Variants in RUNX1 observed in about 807,000 individuals in gnomAD.
RUNX1 encodes the protein runt-related transcription factor 1.
RUNX1 carries 19 observed loss-of-function variants against 42.8 expected under a neutral mutation model. The observed-to-expected ratio is 0.44, with a 90% confidence interval of 0.31 to 0.65. The LOEUF is 0.65. Among genes scored for constraint, RUNX1 ranks in the 30% least tolerant of loss-of-function variants. The pLI is 0.07. For missense variants in RUNX1, 528 were observed against 672.0 expected (o/e 0.79, Z 2.37); for synonymous variants, 271 against 289.4 (o/e 0.94, Z 0.64).
intron 3 of RUNX1, among the ~76,000 whole-genome samples, chr21:34,889,236 C>A (rs990385077): frequency 6.6e-6 from 1 of 152,030 alleles, no homozygotes; most frequent in Non-Finnish European, 1.5e-5. Context: ...TGCGATTTGG[C>A]CGCGGGGCCC....
At chr21:34,853,046 G>C (rs2057445728) in intron 6 of RUNX1, among the ~76,000 whole-genome samples, 1 of 152,218 alleles carries the variant, frequency 6.6e-6, no homozygotes, top group Admixed American at 6.5e-5. Context: ...GGGGGACCCA[G>C]ACTTGGACCA....
intron 2 of RUNX1, among the ~76,000 whole-genome samples, chr21:34,976,033 A>G (rs897450038): frequency 6.6e-6 from 1 of 152,134 alleles, no homozygotes; most frequent in African/African-American, 2.4e-5. Flanking sequence ...ATCAGGACAA[A>G]ATGTAGGTGA....
chr21:35,003,674 G>A (rs2059063104), intron 2 of RUNX1, among the ~76,000 whole-genome samples: 1 of 152,150 alleles, frequency 6.6e-6, no homozygotes, highest in Non-Finnish European at 1.5e-5. Flanking sequence ...TCAACACTTT[G>A]TAATGGCACC....
intron 7 of RUNX1, chr21:34,830,113 T>C (rs1439723674): frequency 6.6e-6 from 1 of 152,216 alleles, no homozygotes; most frequent in East Asian, 1.9e-4. Flanking sequence ...AAGAGATGAT[T>C]TGAGAGGTCA....
chr21:34,932,654 T>A (rs1244613022), intron 2 of RUNX1, among the ~76,000 whole-genome samples: 1 of 152,230 alleles, frequency 6.6e-6, no homozygotes, highest in Admixed American at 6.5e-5. Context: ...ATACCCCTTC[T>A]ACTGAGGTTA....
chr21:35,006,516 C>T (rs765753121), intron 2 of RUNX1, among the ~76,000 whole-genome samples: 33 of 152,148 alleles, frequency 2.2e-4, no homozygotes, highest in Non-Finnish European at 4.4e-4. Context: ...CTCAGGCAGA[C>T]ATGGATAGGA....
chr21:34,834,662 A>G, intron 6 of RUNX1, 61 bp from the exon 7 acceptor site: 1 of 1,425,482 alleles, frequency 7.0e-7, no homozygotes, highest in South Asian at 1.2e-5. Flanking sequence ...GGAAGAGATC[A>G]GAAAAAGTAT....
At chr21:34,864,914 A>G (rs2057635239) in intron 5 of RUNX1, among the ~76,000 whole-genome samples, 1 of 152,188 alleles carries the variant, frequency 6.6e-6, no homozygotes, top group South Asian at 2.1e-4. Context: ...ATGAAGGTGG[A>G]AACACAGTGG....
intron 2 of RUNX1, among the ~76,000 whole-genome samples, chr21:34,969,024 GCTTTTCC>G (rs1346179861): frequency 6.6e-6 from 1 of 152,104 alleles, no homozygotes; most frequent in Admixed American, 6.5e-5. Flanking sequence ...TATAAGTCAG[GCTTTTCC>G]TATTACAGGT....
intron 7 of RUNX1, among the ~76,000 whole-genome samples, chr21:34,809,189 G>T (rs1239488616): frequency 1.3e-5 from 2 of 152,088 alleles, no homozygotes; most frequent in Non-Finnish European, 2.9e-5. Flanking sequence ...CATCATGGAT[G>T]TTTAGATTCT....
intron 2 of RUNX1, among the ~76,000 whole-genome samples, chr21:34,949,627 G>A (rs749407999): frequency 4.6e-5 from 7 of 152,334 alleles, no homozygotes; most frequent in East Asian, 1.9e-4. Context: ...GTAAAACCAC[G>A]AAGGTAGCTC....
intron 2 of RUNX1, among the ~76,000 whole-genome samples, chr21:34,985,342 T>C (rs1296817239): frequency 2.0e-5 from 3 of 152,080 alleles, no homozygotes; most frequent in Non-Finnish European, 4.4e-5. Context: ...CAGAACTAGG[T>C]TTGTCAAAGG....
chr21:34,949,693 G>A (rs2058592604), intron 2 of RUNX1, among the ~76,000 whole-genome samples: 1 of 152,254 alleles, frequency 6.6e-6, no homozygotes, highest in Admixed American at 6.5e-5. Flanking sequence ...GCTGATAGAG[G>A]CTGTGCTAAG....
rs1365932898 is a variant in RUNX1, at chr21:34,792,405, C to T, written c.1173G>A (p.Ala391=). ...LPPPYPGSSQ[A]QGGPFQASSP... is the part of the protein sequence containing the mutation. ...AGCTGGCTTGGAACGGGCCTCCCTG[C>T]GCTTGCGACGAGCCGGGGTAGGGCG... Residue 391 remains alanine (A), a synonymous_variant, in exon 9 of 9, where the codon GCG becomes GCA. Transcript: ENST00000675419. The surrounding 1 kb of genome is among the most constrained non-coding windows in gnomAD (Gnocchi z 6.9). The T allele has an allele frequency of 1.3e-6, 2 of 1,566,616 alleles. No homozygotes were observed. The highest frequency in any genetic ancestry group is 1.7e-6 in the Non-Finnish European group (2 of 1,155,850).
chr21:34,797,113 G>C (rs1057357235), intron 8 of RUNX1, among the ~76,000 whole-genome samples: 4 of 152,194 alleles, frequency 2.6e-5, no homozygotes, highest in African/African-American at 9.6e-5. Context: ...TGTGCTCCAG[G>C]CTTGATTTCT....
intron 2 of RUNX1, among the ~76,000 whole-genome samples, chr21:34,956,913 C>T (rs1338777754): frequency 1.3e-5 from 2 of 152,222 alleles, no homozygotes; most frequent in East Asian, 3.8e-4. Flanking sequence ...CTTGAATTTA[C>T]CCACCAGGCT....
intron 2 of RUNX1, among the ~76,000 whole-genome samples, chr21:35,040,786 A>AC: frequency 6.6e-6 from 1 of 151,318 alleles, no homozygotes; most frequent in East Asian, 1.9e-4. Flanking sequence ...AAAAAAAAAA[A>AC]AAAAAAAACC....
At chr21:34,926,395 A>T (rs2058393785) in intron 2 of RUNX1, among the ~76,000 whole-genome samples, 1 of 133,954 alleles carries the variant, frequency 7.5e-6, no homozygotes, top group Non-Finnish European at 1.6e-5. Context: ...CCTTGAACCC[A>T]GTAGGGCAGT....
chr21:34,919,846 T>C (rs1382239549), intron 2 of RUNX1, among the ~76,000 whole-genome samples: 1 of 152,204 alleles, frequency 6.6e-6, no homozygotes, highest in Non-Finnish European at 1.5e-5. Context: ...AATCAAATTG[T>C]GAAAGGAACA....
Sources: allele counts gnomAD v4.1 joint callset (sites outside exome capture counted in the v4.1 genomes callset), GRCh38; gene constraint gnomAD v4.1.1; non-coding constraint Gnocchi (gnomAD v3.1); transcripts MANE v1.5; gene names NCBI Gene and HGNC (gene_info 2026-07-23, HGNC 2026-07-21).